ST8SIA4: variants seen among roughly 807,000 people sequenced by gnomAD.
ST8SIA4 encodes the protein ST8 alpha-N-acetyl-neuraminide alpha-2,8-sialyltransferase 4, also known as CMP-N-acetylneuraminate-poly-alpha-2,8-sialyltransferase.
ST8SIA4 carries 15 observed loss-of-function variants against 33.9 expected under a neutral mutation model. The observed-to-expected ratio is 0.44, with a 90% CI of 0.30 to 0.68. The LOEUF is 0.68. Among genes scored for constraint, ST8SIA4 ranks in the 30% least tolerant of loss-of-function variants. ST8SIA4 has a pLI of 0.10. For synonymous variants in ST8SIA4, 171 were observed against 151.2 expected, an observed-to-expected ratio of 1.13 and a Z score of -0.96; for missense variants, 321 against 428.0, an observed-to-expected ratio of 0.75 and a Z score of 2.21.
intron 3 of ST8SIA4, among the ~76,000 whole-genome samples, chr5:100,876,944 T>C (rs1174545440): frequency 6.6e-6 from 1 of 152,060 alleles, no homozygotes; most frequent in African/African-American, 2.4e-5. Context: ...AAAAGCATTA[T>C]TTAACGTAAT....
At chr5:100,833,738 C>T (rs982118757) in intron 4 of ST8SIA4, among the ~76,000 whole-genome samples, 2 of 152,108 alleles carry the variant, frequency 1.3e-5, no homozygotes, top group South Asian at 4.1e-4. Context: ...CTGCCTGAAA[C>T]GTATTTCCCT....
intron 4 of ST8SIA4, among the ~76,000 whole-genome samples, chr5:100,830,583 C>G (rs565303402): frequency 2.4e-4 from 36 of 152,308 alleles, no homozygotes; most frequent in Admixed American, 1.8e-3. Context: ...CAAGTTACCT[C>G]TATAAACCGT....
intron 4 of ST8SIA4, among the ~76,000 whole-genome samples, chr5:100,846,887 C>T (rs1283947713): frequency 6.6e-6 from 1 of 152,100 alleles, no homozygotes; most frequent in Non-Finnish European, 1.5e-5. Flanking sequence ...CAGACATAAA[C>T]TATTTATACT....
At position 100,809,823 on chromosome 5, in the gene ST8SIA4, TTTAC is replaced by T. The variant is rs758529370; in HGVS notation, c.*2020_*2023del. On this transcript the variant is annotated 3_prime_UTR_variant, in exon 5 of 5. Coordinates refer to ENST00000231461, the MANE Select transcript of ST8SIA4 (RefSeq NM_005668.6). ...TATCAGTCTCCTATACGCATTAGAT[TTTAC>T]TTACTTAGAGACACATACATTCTCA... 3.3e-5 allele frequency: 5 copies of T among 152,182 alleles called. No individual in the cohort carries two copies. Among genetic ancestry groups the T allele is most frequent in the African/African-American group, 4.8e-5 (2 of 41,450 alleles). 9.4% of individuals were successfully genotyped at this position (152,182 alleles called of 1,614,324 possible). A position where few individuals can be genotyped will look rare whatever the true frequency, so the allele number is the denominator to read the frequency against.
chr5:100,821,804 G>T (rs1751035553), intron 4 of ST8SIA4, among the ~76,000 whole-genome samples: 1 of 152,144 alleles, frequency 6.6e-6, no homozygotes, highest in African/African-American at 2.4e-5. Context: ...AATAGCATTT[G>T]GGGGTTAGTC....
chr5:100,872,057 T>C (rs1460098845), intron 3 of ST8SIA4, among the ~76,000 whole-genome samples: 1 of 152,088 alleles, frequency 6.6e-6, no homozygotes, highest in Non-Finnish European at 1.5e-5. Context: ...TGACAGCAGA[T>C]ACGTGAATAC....
chr5:100,881,448 C>G (rs1251020353), intron 3 of ST8SIA4, among the ~76,000 whole-genome samples: 4 of 152,080 alleles, frequency 2.6e-5, no homozygotes, highest in African/African-American at 9.7e-5. Context: ...ACATTATTCT[C>G]AAAGTTTTAA....
chr5:100,897,151 G>C (rs915857583), intron 1 of ST8SIA4, among the ~76,000 whole-genome samples: 12 of 152,074 alleles, frequency 7.9e-5, no homozygotes, highest in African/African-American at 2.9e-4. Flanking sequence ...TTATAGTAGA[G>C]AGAAAACTCA....
At chr5:100,858,006 C>T (rs1168207405) in intron 3 of ST8SIA4, among the ~76,000 whole-genome samples, 9 of 151,964 alleles carry the variant, frequency 5.9e-5, no homozygotes, top group Non-Finnish European at 1.3e-4. Context: ...TATTCATTCT[C>T]ATTATGGTAA....
At chr5:100,861,389 A>G (rs1751937613) in intron 3 of ST8SIA4, among the ~76,000 whole-genome samples, 1 of 152,158 alleles carries the variant, frequency 6.6e-6, no homozygotes, top group Admixed American at 6.5e-5. Flanking sequence ...AAATTCACAG[A>G]ATGAAAATAT....
chr5:100,897,057 T>G (rs1159059176), intron 1 of ST8SIA4, among the ~76,000 whole-genome samples: 1 of 152,182 alleles, frequency 6.6e-6, no homozygotes, highest in Non-Finnish European at 1.5e-5. Flanking sequence ...AGGCTCTGCA[T>G]GTAAAAGTAA....
chr5:100,812,758 G>T (rs2548256), intron 4 of ST8SIA4, among the ~76,000 whole-genome samples: 87,429 of 151,842 alleles, frequency 0.58, 25,828 homozygotes, highest in South Asian at 0.73. Flanking sequence ...TTGTTAGATA[G>T]ATAAAATATA....
intron 4 of ST8SIA4, among the ~76,000 whole-genome samples, chr5:100,843,413 A>C (rs1156637082): frequency 6.6e-6 from 1 of 151,878 alleles, no homozygotes; most frequent in Non-Finnish European, 1.5e-5. Flanking sequence ...TATTCCATTC[A>C]GCTATCAACA....
At chr5:100,860,843 T>C (rs75070666) in intron 3 of ST8SIA4, among the ~76,000 whole-genome samples, 2,885 of 152,264 alleles carry the variant, frequency 0.019, 99 homozygotes, top group African/African-American at 0.067. Context: ...CATTTATCCC[T>C]AGCTTTTCAT....
At chr5:100,887,978 C>G (rs905605955) in intron 2 of ST8SIA4, among the ~76,000 whole-genome samples, 6 of 152,010 alleles carry the variant, frequency 3.9e-5, no homozygotes, top group Admixed American at 2.6e-4. Flanking sequence ...AAATTGGAGC[C>G]ATCCAGGCAG....
chr5:100,896,394 C>G (rs1752781545), intron 1 of ST8SIA4, among the ~76,000 whole-genome samples: 1 of 151,842 alleles, frequency 6.6e-6, no homozygotes, highest in Non-Finnish European at 1.5e-5. Context: ...GATTCTAAAA[C>G]AGTGGAAATC....
chr5:100,886,210 C>T, intron 3 of ST8SIA4, 133 bp downstream of exon 3: 1 of 1,445,050 alleles, frequency 6.9e-7, no homozygotes, highest in Non-Finnish European at 9.1e-7. Flanking sequence ...TTAAATGTTG[C>T]ACAGAAAAGG....
chr5:100,856,821 T>G (rs942654994), intron 3 of ST8SIA4, among the ~76,000 whole-genome samples: 1 of 152,206 alleles, frequency 6.6e-6, no homozygotes, highest in African/African-American at 2.4e-5. Context: ...CTGCACCACT[T>G]GTAAAGCTTA....
intron 3 of ST8SIA4, among the ~76,000 whole-genome samples, chr5:100,861,222 C>T (rs982621067): frequency 2.0e-5 from 3 of 151,878 alleles, no homozygotes; most frequent in African/African-American, 7.3e-5. Context: ...ATGCTTTTAA[C>T]AATACCAATT....
Sources: gnomAD v4.1 joint callset for allele counts (sites outside exome capture counted in the v4.1 genomes callset) on GRCh38, gnomAD v4.1.1 for gene constraint, MANE v1.5 for transcripts, NCBI Gene and HGNC (gene_info 2026-07-23, HGNC 2026-07-21) for gene names.